Variants in CAB39 observed in about 807,000 individuals in gnomAD.
The protein encoded by CAB39 is calcium binding protein 39.
CAB39 carries 8 observed loss-of-function variants against 40.0 expected under a neutral mutation model. The ratio of observed to expected loss-of-function variants is 0.20; its 90% CI spans 0.12 to 0.36. The LOEUF is 0.36. Ranked by LOEUF, CAB39 falls within the 10% of genes least tolerant of loss-of-function variation. The pLI, the probability that CAB39 is intolerant of heterozygous loss-of-function variation, is 1.00. For synonymous variants in CAB39, 156 were observed against 141.6 expected (o/e 1.10, Z -0.72); for missense variants, 270 against 401.1 (o/e 0.67, Z 2.79).
chr2:230,790,026 C>A (rs777136164), intron 2 of CAB39, among the ~76,000 whole-genome samples: 3 of 152,156 alleles, frequency 2.0e-5, no homozygotes, highest in Non-Finnish European at 4.4e-5. Flanking sequence ...GAGTTTGAGA[C>A]CAGCCTGAGC....
At chr2:230,798,596 A>G in intron 4 of CAB39, 133 bp from the exon 5 acceptor site, 4 of 660,806 alleles carry the variant, frequency 6.1e-6, no homozygotes, top group Non-Finnish European at 4.9e-6. Flanking sequence ...TACCTTCTGT[A>G]ATCTGCGATG....
intron 1 of CAB39, among the ~76,000 whole-genome samples, chr2:230,726,066 T>C (rs562176162): frequency 6.6e-6 from 1 of 152,312 alleles, no homozygotes; most frequent in South Asian, 2.1e-4. Context: ...GCATAGTTCT[T>C]CCATATTTGA....
chr2:230,736,294 C>T (rs567339239), intron 1 of CAB39, among the ~76,000 whole-genome samples: 4 of 152,134 alleles, frequency 2.6e-5, no homozygotes, highest in Admixed American at 6.6e-5. Context: ...GCTACACCCT[C>T]GTGCTAAAAT....
intron 5 of CAB39, 56 bp downstream of exon 5, chr2:230,798,953 T>C: frequency 7.2e-7 from 1 of 1,385,888 alleles, no homozygotes; most frequent in Non-Finnish European, 9.9e-7. Flanking sequence ...GTGCTGTTTT[T>C]CTAAACCTTC....
intron 2 of CAB39, among the ~76,000 whole-genome samples, chr2:230,789,054 A>G (rs1321581293): frequency 4.6e-5 from 7 of 152,194 alleles, no homozygotes; most frequent in Non-Finnish European, 1.0e-4. Flanking sequence ...CCCCTAGCTC[A>G]CTAATGAGAT....
In CAB39 at chr2:230,818,896, T is replaced by C. The variant is rs2124989648; in HGVS notation, c.*192T>C. ...GCTGCTGCTTGCACACTAGGGCACA[T>C]GTGGGCTTTCTCTTGATCTTTGTGT... On this transcript the variant is annotated 3_prime_UTR_variant, in exon 9 of 9. Transcript: ENST00000258418. 1.9e-6 allele frequency: 1 copy of C among 524,858 alleles called. No individual in the cohort carries two copies. 32.5% of individuals were successfully genotyped at this position (524,858 alleles called of 1,614,324 possible). A position where few individuals can be genotyped will look rare whatever the true frequency, so the allele number is the denominator to read the frequency against.
At chr2:230,716,044 A>G (rs1694344179) in intron 1 of CAB39, among the ~76,000 whole-genome samples, 1 of 152,008 alleles carries the variant, frequency 6.6e-6, no homozygotes, top group Non-Finnish European at 1.5e-5. Flanking sequence ...CTTCATTAGC[A>G]TTTTCTACTT....
intron 5 of CAB39, among the ~76,000 whole-genome samples, chr2:230,809,644 G>A (rs1559618578): frequency 6.6e-6 from 1 of 152,172 alleles, no homozygotes; most frequent in Non-Finnish European, 1.5e-5. Context: ...ATAGGGTGAG[G>A]CATAGGGTTC....
chr2:230,732,927 C>A (rs1417066828), intron 1 of CAB39, among the ~76,000 whole-genome samples: 1 of 152,130 alleles, frequency 6.6e-6, no homozygotes, highest in Non-Finnish European at 1.5e-5. Flanking sequence ...GTATTAAATA[C>A]TGCCAAGAGA....
chr2:230,785,191 G>T (rs920956223), intron 2 of CAB39, among the ~76,000 whole-genome samples: 1 of 152,094 alleles, frequency 6.6e-6, no homozygotes, highest in African/African-American at 2.4e-5. Flanking sequence ...CTTTGAAAAA[G>T]AACTTCCCCA....
intron 5 of CAB39, among the ~76,000 whole-genome samples, chr2:230,809,232 TTTGC>T (rs890026187): frequency 1.3e-5 from 2 of 152,138 alleles, no homozygotes; most frequent in Non-Finnish European, 2.9e-5. Context: ...ACTTCCCTCG[TTTGC>T]TTGACCATGG....
intron 1 of CAB39, among the ~76,000 whole-genome samples, chr2:230,735,803 C>T (rs1338121438): frequency 6.6e-6 from 1 of 152,204 alleles, no homozygotes; most frequent in Non-Finnish European, 1.5e-5. Context: ...GCATGAGCTA[C>T]CATGCCCAAC....
intron 1 of CAB39, among the ~76,000 whole-genome samples, chr2:230,755,071 A>G (rs1051714708): frequency 6.6e-6 from 1 of 152,144 alleles, no homozygotes; most frequent in Non-Finnish European, 1.5e-5. Context: ...ATACACACAC[A>G]CACACACTCA....
At chr2:230,778,988 C>T (rs1028581138) in intron 2 of CAB39, 5 of 151,906 alleles carry the variant, frequency 3.3e-5, no homozygotes, top group African/African-American at 1.2e-4. Flanking sequence ...TATGTCCTCA[C>T]CCTGGGAGGG....
intron 2 of CAB39, among the ~76,000 whole-genome samples, chr2:230,770,714 G>C (rs1315711120): frequency 6.6e-6 from 1 of 152,118 alleles, no homozygotes. Flanking sequence ...TTGAATAGTA[G>C]ACCAAGTGGG....
At chr2:230,795,396 GT>G (rs1034743404) in intron 4 of CAB39, among the ~76,000 whole-genome samples, 6 of 151,990 alleles carry the variant, frequency 3.9e-5, no homozygotes, top group African/African-American at 1.4e-4. Flanking sequence ...TGGATTGTTT[GT>G]TTTGTAGAAA....
chr2:230,725,083 G>A lies in CAB39; in HGVS notation c.-44+11853G>A, dbSNP rs1036262365. ...TTCCTTCGTAGAGGACAGGGGAGGA[G>A]TCCCTACTCGGCTGCAAACTCTGGT... is the stretch of plus-strand genomic sequence containing the variant. On this transcript the variant is annotated intron_variant, in intron 1 of 8. Coordinates refer to ENST00000258418, the MANE Select transcript of CAB39 (RefSeq NM_016289.4). The A allele has an allele frequency of 8.3e-6, 13 of 1,560,928 alleles. No homozygotes were observed. In the East Asian group the frequency reaches 2.2e-4, roughly 27 times the overall value.
chr2:230,739,913 ATCT>A (rs1273326449), intron 1 of CAB39, among the ~76,000 whole-genome samples: 4 of 152,238 alleles, frequency 2.6e-5, no homozygotes, highest in Admixed American at 6.5e-5. Context: ...TTGATTTTAA[ATCT>A]TCTACTAACT....
At chr2:230,799,049 G>GC in intron 5 of CAB39, 152 bp downstream of exon 5, 2 of 564,408 alleles carry the variant, frequency 3.5e-6, no homozygotes, top group Non-Finnish European at 6.1e-6. Flanking sequence ...AGAGGTATAT[G>GC]CAGTAAAGTC....
Sources: gnomAD v4.1 joint callset for allele counts (sites outside exome capture counted in the v4.1 genomes callset) on GRCh38, gnomAD v4.1.1 for gene constraint, MANE v1.5 for transcripts, NCBI Gene and HGNC (gene_info 2026-07-23, HGNC 2026-07-21) for gene names.